CALN1: variants seen among roughly 807,000 people sequenced by gnomAD.
The protein encoded by CALN1 is calcium-binding protein 8.
In CALN1, 17 loss-of-function variants were observed where a neutral mutation model predicts 30.6. The observed-to-expected ratio is 0.56, with a 90% CI of 0.38 to 0.83. The LOEUF (loss-of-function observed/expected upper bound fraction) is 0.83. Ranked by LOEUF, CALN1 falls within the 40% of genes least tolerant of loss-of-function variation. The pLI, the probability that CALN1 is intolerant of heterozygous loss-of-function variation, is 0.00. For missense variants in CALN1, 291 were observed against 354.9 expected (o/e 0.82, Z 1.45); for synonymous variants, 156 against 131.4 (o/e 1.19, Z -1.28).
intron 2 of CALN1, among the ~76,000 whole-genome samples, chr7:72,292,925 TG>T (rs1798596646): frequency 6.6e-6 from 1 of 152,108 alleles, no homozygotes; most frequent in Admixed American, 6.5e-5. Context: ...ATTTCCTGCC[TG>T]TGCCAGTCCA....
chr7:72,027,148 G>A (rs138680919), intron 4 of CALN1, among the ~76,000 whole-genome samples: 1 of 152,262 alleles, frequency 6.6e-6, no homozygotes, highest in East Asian at 1.9e-4. Flanking sequence ...AATACACAGT[G>A]TATCTGTACA....
intron 5 of CALN1, among the ~76,000 whole-genome samples, chr7:71,995,653 T>C (rs1023024822): frequency 2.0e-5 from 3 of 152,022 alleles, no homozygotes; most frequent in East Asian, 3.9e-4. Flanking sequence ...GGAGGATCTA[T>C]TGGAATACCA....
At position 72,299,710 on chromosome 7, in the gene CALN1, T is replaced by TTA. The variant is rs71515106; in HGVS notation, c.120-20901_120-20900insTA. 2.7e-3 allele frequency among the ~76,000 whole-genome samples: 370 copies of TTA among 137,624 alleles called. 3 individuals carry two copies. Among genetic ancestry groups the TTA allele is most frequent in the Non-Finnish European group, 2.1e-3 (132 of 64,178 alleles). The allele number at this position is 137,624 out of a possible 152,430, so 90.3% of individuals were successfully genotyped here. ...TTATCTTTTTTTTTTTTTTTTTTTT[T>TTA]AAAAAGAGAGACTGAGGTCCTGCTG... On this transcript the variant is annotated intron_variant, in intron 2 of 6. Coordinates refer to ENST00000395275, the MANE Select transcript of CALN1 (RefSeq NM_031468.4).
intron 2 of CALN1, among the ~76,000 whole-genome samples, chr7:72,392,760 G>A (rs1805656119): frequency 6.6e-6 from 1 of 152,000 alleles, no homozygotes; most frequent in South Asian, 2.1e-4. Context: ...AGGATTGCTG[G>A]AGGCCAGAAG....
intron 3 of CALN1, among the ~76,000 whole-genome samples, chr7:72,221,099 T>TA (rs1274313108): frequency 6.6e-6 from 1 of 152,130 alleles, no homozygotes; most frequent in East Asian, 1.9e-4. Context: ...TTTGGTGTTT[T>TA]AGACATGAAA....
chr7:72,205,398 C>T (rs193196376), intron 3 of CALN1, among the ~76,000 whole-genome samples: 3 of 150,770 alleles, frequency 2.0e-5, no homozygotes, highest in Non-Finnish European at 1.5e-5. Context: ...GACAGGGTTT[C>T]ACCATGTTAA....
intron 2 of CALN1, among the ~76,000 whole-genome samples, chr7:72,301,108 G>A (rs1467819257): frequency 1.3e-5 from 2 of 152,164 alleles, no homozygotes; most frequent in Non-Finnish European, 2.9e-5. Context: ...CTTTACAGAC[G>A]TAATTGGGCA....
intron 5 of CALN1, among the ~76,000 whole-genome samples, chr7:71,812,324 T>A (rs1268918364): frequency 2.6e-5 from 4 of 152,134 alleles, no homozygotes; most frequent in Admixed American, 2.0e-4. Flanking sequence ...GAGGCTACCA[T>A]AACCAAAATT....
At chr7:72,065,375 G>A (rs561556735) in intron 4 of CALN1, among the ~76,000 whole-genome samples, 13 of 137,302 alleles carry the variant, frequency 9.5e-5, no homozygotes, top group African/African-American at 2.2e-4. Flanking sequence ...TGGCCTCCCC[G>A]CCCCCCTGCC....
Position 72,098,762 on chromosome 7 carries a change from G to GCACACACACACACA in CALN1, c.388+7388_388+7389insTGTGTGTGTGTGTG, listed in dbSNP as rs1491515765. The stretch of plus-strand genomic sequence containing the variant: ...CTCTGAGCAGTTCAGCCCATTTGGC[G>GCACACACACACACA]CGCACACACACACACACACACACAC... On this transcript the variant is annotated intron_variant, in intron 4 of 6. Transcript: ENST00000395275. 1.3e-3 allele frequency among the ~76,000 whole-genome samples: 148 copies of GCACACACACACACA among 115,368 alleles called. 3 individuals carry two copies. Among genetic ancestry groups the GCACACACACACACA allele is most frequent in the African/African-American group, 4.7e-3 (140 of 29,516 alleles). 75.7% of individuals were successfully genotyped at this position (115,368 alleles called of 152,430 possible). A position where few individuals can be genotyped will look rare whatever the true frequency, so the allele number is the denominator to read the frequency against.
chr7:72,006,714 G>C, intron 5 of CALN1, among the ~76,000 whole-genome samples: 1 of 152,146 alleles, frequency 6.6e-6, no homozygotes, highest in Middle Eastern at 3.4e-3. Context: ...CTATTTATAG[G>C]TATAAATGGT....
In CALN1 at chr7:71,799,987, G is replaced by T. The variant is rs1254490903; in HGVS notation, c.658+10349C>A. On this transcript the variant is annotated intron_variant, in intron 6 of 6. Transcript: ENST00000395275. The stretch of plus-strand genomic sequence containing the variant: ...ATTTCAGGAAAGTCACAGCACAGGA[G>T]AACTGCGAACAGATGGTGTTGATGA... 2.6e-5 allele frequency among the ~76,000 whole-genome samples: 4 copies of T among 152,186 alleles called. No individual in the cohort carries two copies. In the East Asian group the frequency reaches 7.7e-4, roughly 29 times the overall value.
Position 71,922,056 on chromosome 7 carries a change from G to T in CALN1, c.501+101601C>A, listed in dbSNP as rs117088938. ...ATGCAATTGTTGGCCAAACAGAGGT[G>T]AGCCTGCCCTCAGGGAGCTTACTGT... On this transcript the variant is annotated intron_variant, in intron 5 of 6. Transcript: ENST00000395275. Among the ~76,000 whole-genome samples, 28 of 152,334 alleles carry T rather than the reference G, an allele frequency of 1.8e-4. No homozygotes were observed. The East Asian group carries it at 5.0e-3, about 27-fold the overall frequency.
chr7:71,789,233 A>C (rs1037893970), intron 6 of CALN1, among the ~76,000 whole-genome samples: 3 of 152,110 alleles, frequency 2.0e-5, no homozygotes, highest in African/African-American at 7.2e-5. Flanking sequence ...CCTGGCCGAC[A>C]TGGTGAAACC....
chr7:71,862,055 C>T (rs186623280), intron 5 of CALN1, among the ~76,000 whole-genome samples: 67 of 152,316 alleles, frequency 4.4e-4, no homozygotes, highest in Non-Finnish European at 7.3e-4. Context: ...TTCTCTAAGA[C>T]GTGGCCATCT....
chr7:72,239,494 T>C (rs1794701112), intron 3 of CALN1, among the ~76,000 whole-genome samples: 1 of 152,222 alleles, frequency 6.6e-6, no homozygotes, highest in African/African-American at 2.4e-5. Context: ...TTTTTATTTC[T>C]ATTGTATTCT....
chr7:72,318,707 T>TC (rs1800660329), intron 2 of CALN1, among the ~76,000 whole-genome samples: 1 of 34,236 alleles, frequency 2.9e-5, no homozygotes, highest in Non-Finnish European at 1.4e-4. Flanking sequence ...TGTGTAGCTT[T>TC]TTTTTTTTTT....
chr7:72,023,950 G>C (rs1412725426), intron 4 of CALN1, among the ~76,000 whole-genome samples, 181 bp from the exon 5 acceptor site: 1 of 152,184 alleles, frequency 6.6e-6, no homozygotes, highest in Non-Finnish European at 1.5e-5. Flanking sequence ...CAAGAAACTG[G>C]CAATTATTAG....
At chr7:71,873,001 A>ATTTTTT (rs371153112) in intron 5 of CALN1, among the ~76,000 whole-genome samples, 4,185 of 115,414 alleles carry the variant, frequency 0.036, 312 homozygotes, top group African/African-American at 0.12. Flanking sequence ...GTTTGTGACA[A>ATTTTTT]TTTTTTTTTT....
Sources: gnomAD v4.1 joint callset for allele counts (sites outside exome capture counted in the v4.1 genomes callset) on GRCh38, gnomAD v4.1.1 for gene constraint, MANE v1.5 for transcripts, NCBI Gene and HGNC (gene_info 2026-07-23, HGNC 2026-07-21) for gene names.